The following MGA variants were observed in gnomAD, a reference collection of about 807,000 sequenced individuals.
MGA encodes the protein MAX dimerization protein MGA.
MGA carries 40 observed loss-of-function variants against 261.1 expected under a neutral mutation model. The observed-to-expected ratio is 0.15, with a 90% CI of 0.12 to 0.20. The LOEUF is 0.20. Ranked by LOEUF, MGA falls within the 10% of genes least tolerant of loss-of-function variation. The pLI is 1.00. For missense variants in MGA, 3,397 were observed against 3,630.5 expected (o/e 0.94, Z 1.65); for synonymous variants, 1,302 against 1,290.6 (o/e 1.01, Z -0.19).
rs59421421 is a variant in MGA at position 41,732,419 on chromosome 15, A to T, written c.3844-2103A>T. Among the ~76,000 whole-genome samples the T allele has an allele frequency of 8.3e-3, 1,261 of 152,200 alleles. 13 individuals are homozygous for T. The highest frequency in any genetic ancestry group is 0.029 in the African/African-American group (1,211 of 41,530). ...CACCTCAGCCTCCCAAAGTGCTGGG[A>T]TTACCCACGTGAGCCACCGTGCCCG... On this transcript the variant is annotated intron_variant, in intron 11 of 23. Coordinates refer to ENST00000219905, the MANE Select transcript of MGA (RefSeq NM_001164273.2).
chr15:41,676,655 A>T (rs2058396598), intron 2 of MGA, among the ~76,000 whole-genome samples: 1 of 152,112 alleles, frequency 6.6e-6, no homozygotes, highest in Non-Finnish European at 1.5e-5. Flanking sequence ...TGGACCTTGA[A>T]ATTGTTTTAG....
At chr15:41,661,909 G>A (rs1341456815) in intron 1 of MGA, among the ~76,000 whole-genome samples, 1 of 152,106 alleles carries the variant, frequency 6.6e-6, no homozygotes, top group East Asian at 1.9e-4. Flanking sequence ...ATCGGGTTCC[G>A]GCCGGCGGCA....
At position 41,767,931 on chromosome 15, in the gene MGA, T is replaced by A. The variant is rs2063878874; in HGVS notation, c.*651T>A. On this transcript the variant is annotated 3_prime_UTR_variant, in exon 24 of 24. Coordinates refer to ENST00000219905, the MANE Select transcript of MGA (RefSeq NM_001164273.2). ...TAGGGATGCTTTTAACTTTTATTAT[T>A]AATTATTTTGAGATCTTAAAAAAAT... The A allele has an allele frequency of 6.6e-6, 1 of 152,562 alleles. No homozygotes were observed. Among genetic ancestry groups the A allele is most frequent in the African/African-American group, 2.4e-5 (1 of 41,452 alleles). 9.5% of individuals were successfully genotyped at this position (152,562 alleles called of 1,614,324 possible). A position where few individuals can be genotyped will look rare whatever the true frequency, so the allele number is the denominator to read the frequency against.
intron 19 of MGA, 129 bp from the exon 20 acceptor site, chr15:41,760,194 A>G (rs920224235): frequency 1.3e-6 from 1 of 796,896 alleles, no homozygotes; most frequent in African/African-American, 1.7e-5. Context: ...AAGATGACCA[A>G]TTGAGAGGCT....
intron 8 of MGA, 55 bp from the exon 9 acceptor site, chr15:41,713,096 G>T (rs1300982332): frequency 1.3e-6 from 2 of 1,575,798 alleles, no homozygotes; most frequent in African/African-American, 1.3e-5. Context: ...CCATAAGTTG[G>T]TGGTGGTGTA....
At chr15:41,642,239 A>G (rs1420276357) in intron 1 of MGA, among the ~76,000 whole-genome samples, 3 of 150,912 alleles carry the variant, frequency 2.0e-5, no homozygotes, top group African/African-American at 2.4e-5. Flanking sequence ...AGTCATTTGT[A>G]TATCTTCAAT....
At chr15:41,664,382 A>G (rs2057602948) in intron 1 of MGA, among the ~76,000 whole-genome samples, 1 of 152,238 alleles carries the variant, frequency 6.6e-6, no homozygotes, top group African/African-American at 2.4e-5. Context: ...TTGACATTTC[A>G]TAGATTAATC....
chr15:41,706,010 G>C (rs975677979), intron 5 of MGA, among the ~76,000 whole-genome samples: 1 of 151,992 alleles, frequency 6.6e-6, no homozygotes, highest in Admixed American at 6.6e-5. Context: ...AGGCCGAGGC[G>C]GGCGGATTAC....
Position 41,762,865 on chromosome 15 carries a change from T to A in MGA, c.7744+503T>A, listed in dbSNP as rs560666843. On this transcript the variant is annotated intron_variant, in intron 22 of 23. Transcript: ENST00000219905. Reference sequence around the variant, plus strand: ...TTTGGTTTCTGGTTGTAATACACACTCATGCAAATCCTGAGAAGTTACCAG... The same window carrying A: ...TTTGGTTTCTGGTTGTAATACACACACATGCAAATCCTGAGAAGTTACCAG... 5.9e-5 allele frequency among the ~76,000 whole-genome samples: 9 copies of A among 152,132 alleles called. No homozygotes were observed. The South Asian group carries it at 1.0e-3, about 17-fold the overall frequency.
chr15:41,717,438 A>G (rs941010683), intron 9 of MGA, among the ~76,000 whole-genome samples: 1 of 152,244 alleles, frequency 6.6e-6, no homozygotes, highest in African/African-American at 2.4e-5. Context: ...TACCATTATT[A>G]GGAATGAAAG....
chr15:41,723,611 C>A (rs1157249604), intron 9 of MGA, among the ~76,000 whole-genome samples: 2 of 152,098 alleles, frequency 1.3e-5, no homozygotes, highest in African/African-American at 4.8e-5. Flanking sequence ...GAGACAGGGT[C>A]TTGCTATGTT....
chr15:41,742,487 C>T (rs1595935610), intron 14 of MGA, 59 bp from the exon 15 acceptor site: 11 of 1,570,670 alleles, frequency 7.0e-6, no homozygotes, highest in Non-Finnish European at 9.5e-6. Flanking sequence ...TAAGCACAGT[C>T]ACTAAGAGGA....
chr15:41,687,106 C>T (rs990048875), intron 2 of MGA, among the ~76,000 whole-genome samples: 9 of 151,896 alleles, frequency 5.9e-5, no homozygotes, highest in African/African-American at 2.2e-4. Context: ...GAATTCAAAT[C>T]ATGACTTCAA....
At chr15:41,753,068 CTTTAA>C (rs955716847) in intron 17 of MGA, among the ~76,000 whole-genome samples, 3 of 152,130 alleles carry the variant, frequency 2.0e-5, no homozygotes, top group African/African-American at 4.8e-5. Flanking sequence ...TAAATAGCTT[CTTTAA>C]TTTAAATCTT....
intron 1 of MGA, among the ~76,000 whole-genome samples, chr15:41,640,079 G>C (rs528022559): frequency 6.6e-6 from 1 of 152,110 alleles, no homozygotes; most frequent in Non-Finnish European, 1.5e-5. Flanking sequence ...ATCAAGGCAG[G>C]CTTCATGAAA....
At chr15:41,656,390 G>C, upstream of MGA, among the ~76,000 whole-genome samples, 1 of 54,514 alleles carries the variant, frequency 1.8e-5, no homozygotes, top group Non-Finnish European at 4.7e-5. Flanking sequence ...CACCCAGGCT[G>C]GAGTGCAGTG....
chr15:41,626,818 A>G (rs1346272576), intron 1 of MGA, among the ~76,000 whole-genome samples: 1 of 152,150 alleles, frequency 6.6e-6, no homozygotes, highest in Non-Finnish European at 1.5e-5. Flanking sequence ...AGCTTTTCCC[A>G]TTATTAAAAT....
intron 2 of MGA, among the ~76,000 whole-genome samples, chr15:41,685,923 T>G (rs539402728): frequency 1.3e-5 from 2 of 151,198 alleles, no homozygotes; most frequent in Admixed American, 1.3e-4. Flanking sequence ...GAGAATGGCG[T>G]GTACCCGGGA....
chr15:41,695,960 T>C (rs989363216), intron 2 of MGA, 115 bp from the exon 3 acceptor site: 28 of 780,890 alleles, frequency 3.6e-5, no homozygotes, highest in Non-Finnish European at 5.2e-5. Context: ...GAGGAATGGC[T>C]CAGGAAATCT....
Sources: allele counts gnomAD v4.1 joint callset (sites outside exome capture counted in the v4.1 genomes callset), GRCh38; gene constraint gnomAD v4.1.1; transcripts MANE v1.5; gene names NCBI Gene and HGNC (gene_info 2026-07-23, HGNC 2026-07-21).